Variants in CFAP144 observed in about 807,000 individuals in gnomAD.
CFAP144 encodes cilia- and flagella-associated protein 144.
the CFAP144 span, chr1:43,145,411 C>T: frequency 1.2e-6 from 1 of 809,444 alleles, no homozygotes; most frequent in Non-Finnish European, 2.1e-6. Context: ...TTCCTTTGGT[C>T]TGGTTCCTCC....
chr1:43,147,848 T>TGTTGCCTGGAGACCACGGGACGCC, the CFAP144 span: 1 of 1,549,556 alleles, frequency 6.5e-7, no homozygotes, highest in Non-Finnish European at 8.7e-7. Flanking sequence ...ACCCGAGCGC[T>TGTTGCCTGGAGACCACGGGACGCC]GTTGCCTGGA....
the CFAP144 span, among the ~76,000 whole-genome samples, chr1:43,155,620 A>C: frequency 2.0e-5 from 3 of 152,238 alleles, no homozygotes; most frequent in African/African-American, 7.2e-5. Context: ...AGAAGAGGTA[A>C]TTAAGTTGGA....
chr1:43,147,812 G>A, the CFAP144 span: 5 of 1,504,424 alleles, frequency 3.3e-6, no homozygotes, highest in South Asian at 2.6e-5. Flanking sequence ...CTGGCAGAGT[G>A]AGACCCGCCC....
At chr1:43,154,202 T>A in the CFAP144 span, among the ~76,000 whole-genome samples, 1 of 138,056 alleles carries the variant, frequency 7.2e-6, no homozygotes, top group Admixed American at 7.2e-5. Context: ...ATAAATAAAA[T>A]TATATATAAA....
At chr1:43,144,200 G>A in the CFAP144 span, among the ~76,000 whole-genome samples, 1 of 152,140 alleles carries the variant, frequency 6.6e-6, no homozygotes, top group Non-Finnish European at 1.5e-5. Flanking sequence ...CCAAAAACAA[G>A]GATTAATACT....
At chr1:43,152,938 G>T in the CFAP144 span, 1 of 1,608,960 alleles carries the variant, frequency 6.2e-7, no homozygotes, top group East Asian at 2.2e-5. Flanking sequence ...CTTGGTAAGC[G>T]TGGCTCCTTC....
chr1:43,146,815 T>A, the CFAP144 span, among the ~76,000 whole-genome samples: 3 of 152,136 alleles, frequency 2.0e-5, no homozygotes, highest in Non-Finnish European at 4.4e-5. Context: ...AAAATAGGGG[T>A]GGCTTCTTTC....
chr1:43,148,135 G>C, the CFAP144 span: 1 of 1,575,238 alleles, frequency 6.3e-7, no homozygotes, highest in Non-Finnish European at 8.7e-7. Flanking sequence ...GGGCGCCGGG[G>C]AAGGAGGAGC....
chr1:43,153,106 T>C, the CFAP144 span: 1 of 735,344 alleles, frequency 1.4e-6, no homozygotes, highest in East Asian at 2.8e-5. Flanking sequence ...AAAATGGAGC[T>C]AATACAGTAC....
the CFAP144 span, among the ~76,000 whole-genome samples, chr1:43,155,302 GA>G: frequency 6.6e-6 from 1 of 152,206 alleles, no homozygotes; most frequent in Non-Finnish European, 1.5e-5. Flanking sequence ...AAAGAGTAAA[GA>G]CCTGGCTCAC....
At chr1:43,150,793 C>T in the CFAP144 span, 421 of 1,610,446 alleles carry the variant, frequency 2.6e-4, no homozygotes, top group Non-Finnish European at 3.5e-4. Context: ...CATGTCTTGG[C>T]ATGATAACCT....
At chr1:43,153,696 G>A in the CFAP144 span, among the ~76,000 whole-genome samples, 1 of 150,692 alleles carries the variant, frequency 6.6e-6, no homozygotes, top group African/African-American at 2.4e-5. Context: ...AAACAAAAAA[G>A]CATAAAAAAT....
chr1:43,149,519 C>T, the CFAP144 span, among the ~76,000 whole-genome samples: 5 of 152,334 alleles, frequency 3.3e-5, no homozygotes, highest in African/African-American at 4.8e-5. Flanking sequence ...AATGTACTGT[C>T]TTCACTTTCC....
At chr1:43,145,108 A>G in the CFAP144 span, 1 of 663,824 alleles carries the variant, frequency 1.5e-6, no homozygotes, top group Middle Eastern at 3.7e-4. Flanking sequence ...GATGCCAGAG[A>G]TTTCCTTTTT....
chr1:43,156,328 A>G, the CFAP144 span: 23 of 1,595,214 alleles, frequency 1.4e-5, no homozygotes, highest in Non-Finnish European at 2.0e-5. Flanking sequence ...CCAGCGGATG[A>G]GCCCATCTGT....
At chr1:43,144,945 GCAGCTTGGCCTGGTGGA>G in the CFAP144 span, among the ~76,000 whole-genome samples, 2 of 152,222 alleles carry the variant, frequency 1.3e-5, no homozygotes, top group Non-Finnish European at 2.9e-5. Context: ...TGGATTCCCA[GCAGCTTGGCCTGGTGGA>G]CACACGGAAT....
At chr1:43,145,366 G>C in the CFAP144 span, 8 of 1,187,728 alleles carry the variant, frequency 6.7e-6, no homozygotes, top group East Asian at 1.0e-4. Flanking sequence ...AGGGCACAAG[G>C]TCCCTGCTGT....
the CFAP144 span, among the ~76,000 whole-genome samples, chr1:43,154,298 T>C: frequency 3.4e-5 from 5 of 145,320 alleles, no homozygotes; most frequent in Non-Finnish European, 7.6e-5. Flanking sequence ...ATATATAAAA[T>C]AAAATTATAT....
chr1:43,144,766 C>T, the CFAP144 span, among the ~76,000 whole-genome samples: 4 of 152,300 alleles, frequency 2.6e-5, no homozygotes, highest in South Asian at 6.2e-4. Context: ...ACACCCCTGC[C>T]TTTCCCCCGC....
Sources: gnomAD v4.1 joint callset for allele counts (sites outside exome capture counted in the v4.1 genomes callset) on GRCh38, gnomAD v4.1.1 for gene constraint, MANE v1.5 for transcripts, NCBI Gene and HGNC (gene_info 2026-07-23, HGNC 2026-07-21) for gene names.